The following GRB10 variants were observed in gnomAD, a reference collection of about 807,000 sequenced individuals.
The protein encoded by GRB10 is growth factor receptor-bound protein 10.
In GRB10, 20 loss-of-function variants were observed where a neutral mutation model predicts 80.9. The observed-to-expected ratio is 0.25, with a 90% CI of 0.17 to 0.36. The LOEUF (loss-of-function observed/expected upper bound fraction) is 0.36, where lower values mean the gene tolerates loss of function less well. Ranked by LOEUF, GRB10 falls within the 10% of genes least tolerant of loss-of-function variation. The pLI, the probability that GRB10 is intolerant of heterozygous loss-of-function variation, is 1.00. For synonymous variants in GRB10, 291 were observed against 291.5 expected (o/e 1.00, Z 0.02); for missense variants, 548 against 747.7 (o/e 0.73, Z 3.12).
At chr7:50,750,065 G>A (rs1198531182) in intron 3 of GRB10, among the ~76,000 whole-genome samples, 1 of 152,150 alleles carries the variant, frequency 6.6e-6, no homozygotes, top group Non-Finnish European at 1.5e-5. Context: ...CCAGGTGGGG[G>A]CAAAGAAAAA....
Position 50,592,747 on chromosome 7 carries a change from G to T in GRB10, c.*205C>A. ...CCCTCCCCAATTTGGCCGATGCAGA[G>T]GGAGGCGACCCTGCTGGGTTCACAG... On this transcript the variant is annotated 3_prime_UTR_variant, in exon 19 of 19. Transcript: ENST00000401949. 1 of 615,332 alleles carries T rather than the reference G, an allele frequency of 1.6e-6. No homozygotes were observed. The highest frequency in any genetic ancestry group is 2.7e-5 in the Admixed American group (1 of 37,652). The allele number at this position is 615,332 out of a possible 1,614,324, so 38.1% of individuals were successfully genotyped here.
intron 15 of GRB10, chr7:50,604,777 C>T: frequency 2.9e-6 from 1 of 340,754 alleles, no homozygotes; most frequent in Non-Finnish European, 5.6e-6. Flanking sequence ...GGCTGAAGTA[C>T]AGAAAATGCC....
chr7:50,771,968 C>T (rs772019306), intron 2 of GRB10, among the ~76,000 whole-genome samples: 2 of 152,136 alleles, frequency 1.3e-5, no homozygotes, highest in Non-Finnish European at 2.9e-5. Flanking sequence ...AGCCAAAATC[C>T]ACCCTGAAAA....
intron 1 of GRB10, among the ~76,000 whole-genome samples, chr7:50,781,972 T>A (rs2301927): frequency 1.3e-5 from 2 of 152,096 alleles, no homozygotes; most frequent in African/African-American, 4.8e-5. Flanking sequence ...TTTAAGAGAA[T>A]TCCAGGCAGG....
At chr7:50,759,264 T>A (rs2075468122) in intron 2 of GRB10, among the ~76,000 whole-genome samples, 1 of 151,944 alleles carries the variant, frequency 6.6e-6, no homozygotes, top group Non-Finnish European at 1.5e-5. Flanking sequence ...TCTGGCCTCT[T>A]CATTCAGTAA....
chr7:50,736,004 C>T (rs1257276706), intron 3 of GRB10, among the ~76,000 whole-genome samples: 2 of 152,154 alleles, frequency 1.3e-5, no homozygotes, highest in African/African-American at 4.8e-5. Flanking sequence ...AACTTACTAA[C>T]GGCTGGGCAT....
chr7:50,671,027 G>A (rs2060302704), intron 6 of GRB10, among the ~76,000 whole-genome samples: 1 of 152,172 alleles, frequency 6.6e-6, no homozygotes, highest in Admixed American at 6.5e-5. Context: ...AGAAGCAACT[G>A]TGAACAGCAG....
chr7:50,781,927 A>G (rs2078326551), intron 1 of GRB10, among the ~76,000 whole-genome samples: 2 of 152,206 alleles, frequency 1.3e-5, no homozygotes, highest in Non-Finnish European at 2.9e-5. Context: ...GTGTTTACTC[A>G]AAGCTTTTTT....
intron 8 of GRB10, among the ~76,000 whole-genome samples, chr7:50,622,511 C>A (rs535389585): frequency 4.6e-5 from 7 of 152,190 alleles, no homozygotes; most frequent in Non-Finnish European, 1.0e-4. Context: ...CTCAGGACAA[C>A]GGAATTCCTC....
intron 2 of GRB10, among the ~76,000 whole-genome samples, chr7:50,763,568 T>C (rs748176045): frequency 6.6e-6 from 1 of 152,174 alleles, no homozygotes; most frequent in Non-Finnish European, 1.5e-5. Context: ...ACACACGGAA[T>C]GTTTACTACA....
intron 5 of GRB10, among the ~76,000 whole-genome samples, chr7:50,698,689 T>C (rs926933507): frequency 2.0e-5 from 3 of 152,254 alleles, no homozygotes; most frequent in African/African-American, 7.2e-5. Flanking sequence ...CCTTTCTTAG[T>C]TGTGATACCA....
At chr7:50,615,527 C>T (rs960107755) in intron 11 of GRB10, among the ~76,000 whole-genome samples, 9 of 152,210 alleles carry the variant, frequency 5.9e-5, no homozygotes, top group Non-Finnish European at 8.8e-5. Context: ...TTCCCAGAGC[C>T]GGTTCCCAGA....
chr7:50,745,023 G>C (rs2072639875), intron 3 of GRB10, among the ~76,000 whole-genome samples: 1 of 151,932 alleles, frequency 6.6e-6, no homozygotes, highest in Non-Finnish European at 1.5e-5. Context: ...TAACAGCCTA[G>C]TCTTCTACAT....
intron 7 of GRB10, among the ~76,000 whole-genome samples, chr7:50,640,121 G>T (rs888190243): frequency 6.6e-6 from 1 of 152,176 alleles, no homozygotes; most frequent in Admixed American, 6.5e-5. Flanking sequence ...CCCAAACAGG[G>T]GCAGGGCCCT....
intron 6 of GRB10, among the ~76,000 whole-genome samples, chr7:50,672,546 A>G (rs1186591093): frequency 6.6e-6 from 1 of 152,164 alleles, no homozygotes. Flanking sequence ...CATTGGGCCC[A>G]AGGAACAGCA....
At chr7:50,647,104 G>A (rs1028885071) in intron 7 of GRB10, among the ~76,000 whole-genome samples, 1 of 152,140 alleles carries the variant, frequency 6.6e-6, no homozygotes, top group Non-Finnish European at 1.5e-5. Context: ...TTCTCTCTTC[G>A]GACAGAAATC....
At chr7:50,605,121 T>C in intron 15 of GRB10, 169 bp downstream of exon 15, 1 of 642,280 alleles carries the variant, frequency 1.6e-6, no homozygotes, top group Non-Finnish European at 2.8e-6. Flanking sequence ...GCTGGGAACA[T>C]GGAAGGGGCC....
intron 3 of GRB10, among the ~76,000 whole-genome samples, chr7:50,741,403 C>T (rs969495149): frequency 6.6e-6 from 1 of 151,912 alleles, no homozygotes; most frequent in East Asian, 1.9e-4. Flanking sequence ...CAAGGAAAAA[C>T]CTGTTACATG....
intron 4 of GRB10, among the ~76,000 whole-genome samples, chr7:50,729,626 G>A (rs2069279720): frequency 6.6e-6 from 1 of 152,124 alleles, no homozygotes. Flanking sequence ...CAAAGCTCTG[G>A]ACTCTGCCGT....
Sources: allele counts gnomAD v4.1 joint callset (sites outside exome capture counted in the v4.1 genomes callset), GRCh38; gene constraint gnomAD v4.1.1; transcripts MANE v1.5; gene names NCBI Gene and HGNC (gene_info 2026-07-23, HGNC 2026-07-21).